The following ELK4 variants were observed in gnomAD, a reference collection of about 807,000 sequenced individuals.
ELK4 encodes the protein ETS domain-containing protein Elk-4.
Under a neutral mutation model 29.6 loss-of-function variants are expected in ELK4, and 16 were observed. The observed-to-expected ratio is 0.54, with a 90% CI of 0.37 to 0.82. ELK4 has a LOEUF of 0.82. Among genes scored for constraint, ELK4 ranks in the 40% least tolerant of loss-of-function variants. The pLI, the probability that ELK4 is intolerant of heterozygous loss-of-function variation, is 0.00. For missense variants in ELK4, 465 were observed against 507.1 expected, an observed-to-expected ratio of 0.92 and a Z score of 0.80; for synonymous variants, 213 against 191.1, an observed-to-expected ratio of 1.11 and a Z score of -0.95.
At chr1:205,616,758 G>T (rs1456260989) in intron 4 of ELK4, 114 bp from the exon 5 acceptor site, 4 of 760,254 alleles carry the variant, frequency 5.3e-6, no homozygotes, top group African/African-American at 5.2e-5. Context: ...TGGCTCACAG[G>T]ACAAAGGCAG....
rs1241853353 is a variant in ELK4 at position 205,610,487 on chromosome 1, A to C, written c.*6059T>G. ...TACAAACTAATAAAGATTTTACACA[A>C]AAGCAAACATAAATGTAGAAATTTT... On this transcript the variant is annotated 3_prime_UTR_variant, in exon 5 of 5. Coordinates refer to ENST00000357992, the MANE Select transcript of ELK4 (RefSeq NM_001973.4). The C allele has an allele frequency of 8.7e-6, 2 of 229,532 alleles. No individual in the cohort carries two copies. Among genetic ancestry groups the C allele is most frequent in the African/African-American group, 4.4e-5 (2 of 45,146 alleles). The allele number at this position is 229,532 out of a possible 1,614,324, so 14.2% of individuals were successfully genotyped here.
At chr1:205,622,754 T>C (rs564632609) in intron 2 of ELK4, among the ~76,000 whole-genome samples, 1 of 152,364 alleles carries the variant, frequency 6.6e-6, no homozygotes, top group East Asian at 1.9e-4. Flanking sequence ...CAAATTGCCT[T>C]TGTCATATTC....
Position 205,615,515 on chromosome 1 carries a change from A to C in ELK4, c.*1031T>G, listed in dbSNP as rs988032162. The C allele has an allele frequency of 2.2e-5, 4 of 185,496 alleles. No individual in the cohort carries two copies. Among genetic ancestry groups the C allele is most frequent in the Admixed American group, 6.2e-5 (1 of 16,086 alleles). The allele number at this position is 185,496 out of a possible 1,614,324, so 11.5% of individuals were successfully genotyped here. A position where few individuals can be genotyped will look rare whatever the true frequency, so the allele number is the denominator to read the frequency against. On this transcript the variant is annotated 3_prime_UTR_variant, in exon 5 of 5. Coordinates refer to ENST00000357992, the MANE Select transcript of ELK4 (RefSeq NM_001973.4). Reference sequence around the variant, plus strand: ...ACTATCATAACCTCTAACAACCTTAAACATAAAGGAAAGGTGATAAATGTA... The same window carrying C: ...ACTATCATAACCTCTAACAACCTTACACATAAAGGAAAGGTGATAAATGTA...
At chr1:205,622,106 C>T (rs1670363679) in intron 2 of ELK4, among the ~76,000 whole-genome samples, 1 of 151,826 alleles carries the variant, frequency 6.6e-6, no homozygotes, top group South Asian at 2.1e-4. Context: ...CCCAGCTACT[C>T]GGGAGGCTGA....
In ELK4 at chr1:205,609,847, G is replaced by C. The variant is rs955367314; in HGVS notation, c.*6699C>G. ...TTATTTTAAAATATCCTAGCCAAAA[G>C]GGCATACCTTACAGAGCCTAGAAGA... On this transcript the variant is annotated 3_prime_UTR_variant, in exon 5 of 5. Coordinates refer to ENST00000357992, the MANE Select transcript of ELK4 (RefSeq NM_001973.4). 1 of 225,444 alleles carries C rather than the reference G, an allele frequency of 4.4e-6. No homozygotes were observed. The highest frequency in any genetic ancestry group is 6.5e-5 in the East Asian group (1 of 15,476). The allele number at this position is 225,444 out of a possible 1,614,324, so 14.0% of individuals were successfully genotyped here.
intron 1 of ELK4, 143 bp from the exon 2 acceptor site, chr1:205,624,034 T>C: frequency 1.3e-6 from 1 of 742,616 alleles, no homozygotes; most frequent in Non-Finnish European, 2.1e-6. Flanking sequence ...CATCCTCATT[T>C]TACGTAAGAA....
chr1:205,631,240 G>A lies in ELK4; in HGVS notation c.-10+392C>T, dbSNP rs529364543. ...GCGGACGGCCGCGTGTGCCCTACAGGAGATCAAAGTCTGGGGGAAGAGGTG... is the reference window on the plus strand; with the variant it reads ...GCGGACGGCCGCGTGTGCCCTACAGAAGATCAAAGTCTGGGGGAAGAGGTG... On this transcript the variant is annotated intron_variant, in intron 1 of 4. Coordinates refer to ENST00000357992, the MANE Select transcript of ELK4 (RefSeq NM_001973.4). Among the ~76,000 whole-genome samples the A allele has an allele frequency of 7.2e-5, 11 of 152,308 alleles. No individual in the cohort carries two copies. The South Asian group carries it at 2.1e-3, about 29-fold the overall frequency.
Position 205,623,775 on chromosome 1 carries a change from C to G in ELK4, c.108G>C (p.Leu36Phe). The change falls in exon 2 of 5, where the codon TTG (leucine) becomes TTC (phenylalanine). Residue 36 changes from leucine to phenylalanine, a missense_variant. By Grantham distance (22) the Leu-to-Phe change is conservative (BLOSUM62 0). Transcript: ENST00000357992. Reference protein sequence around the residue: ...WTSNDGQFKLLQAEEVARLWG... With the variant: ...WTSNDGQFKLFQAEEVARLWG... ...AGAGACGAGCCACCTCTTCTGCCTG[C>G]AAAAGCTTAAACTGCCCATCATTAG... 6.2e-7 allele frequency: 1 copy of G among 1,614,156 alleles called. No individual in the cohort carries two copies. Among genetic ancestry groups the G allele is most frequent in the Non-Finnish European group, 8.5e-7 (1 of 1,180,040 alleles).
intron 4 of ELK4, among the ~76,000 whole-genome samples, chr1:205,618,016 A>AAT (rs57087668): frequency 0.8 from 121,228 of 150,976 alleles, 48,958 homozygotes; most frequent in East Asian, 0.95. Context: ...AGAGAGAGAG[A>AAT]GTGTGTGTGT....
At chr1:205,625,915 G>A (rs1302672061) in intron 1 of ELK4, 5 of 742,768 alleles carry the variant, frequency 6.7e-6, no homozygotes, top group Non-Finnish European at 1.2e-5. Context: ...CTGACCTCAT[G>A]ATCCGCCTGC....
rs1670191327 is a variant in ELK4 at position 205,613,889 on chromosome 1, T to G, written c.*2657A>C. 2 of 217,618 alleles carry G rather than the reference T, an allele frequency of 9.2e-6. No homozygotes were observed. The highest frequency in any genetic ancestry group is 1.8e-5 in the Non-Finnish European group (2 of 108,116). The allele number at this position is 217,618 out of a possible 1,614,324, so 13.5% of individuals were successfully genotyped here. A position where few individuals can be genotyped will look rare whatever the true frequency, so the allele number is the denominator to read the frequency against. On this transcript the variant is annotated 3_prime_UTR_variant, in exon 5 of 5. Transcript: ENST00000357992. ...GCTACAGCTACCAATTACAAGTCTC[T>G]CCAGTGAAAACTGATCTGAAGTGGT...
Position 205,631,738 on chromosome 1 carries a change from G to A in ELK4, c.-116C>T. 6.5e-6 allele frequency: 2 copies of A among 306,360 alleles called. No homozygotes were observed. Among genetic ancestry groups the A allele is most frequent in the Non-Finnish European group, 1.4e-5 (2 of 145,614 alleles). The allele number at this position is 306,360 out of a possible 1,614,324, so 19.0% of individuals were successfully genotyped here. On this transcript the variant is annotated 5_prime_UTR_variant, in exon 1 of 5. Transcript: ENST00000357992. ...GAAACTCGAGGACGGCGCGGCAGCC[G>A]CTGCGACCCCCGCGGCGGAGCCGTA...
Position 205,620,164 on chromosome 1 carries a change from C to A in ELK4, c.882G>T (p.Glu294Asp). The A allele has an allele frequency of 6.2e-7, 1 of 1,614,220 alleles. No homozygotes were observed. Among genetic ancestry groups the A allele is most frequent in the Non-Finnish European group, 8.5e-7 (1 of 1,180,050 alleles). Residue 294 changes from glutamate (E) to aspartate (D), a missense_variant, in exon 3 of 5, where the codon GAG (glutamate) becomes GAT (aspartate). Transcript: ENST00000357992. ...GGTCTTTAGGCTCCAGTGACAAATT[C>A]TCTGGAAGTTCCATTGGCTGAGAAG... ...SVASQPMELP[E>D]NLSLEPKDQD...
intron 2 of ELK4, among the ~76,000 whole-genome samples, chr1:205,622,727 C>T (rs1334931405): frequency 6.6e-6 from 1 of 152,066 alleles, no homozygotes; most frequent in Non-Finnish European, 1.5e-5. Context: ...AGAATATTTA[C>T]TTATCCTCAA....
At chr1:205,617,235 C>A (rs775040222) in intron 4 of ELK4, among the ~76,000 whole-genome samples, 6 of 151,780 alleles carry the variant, frequency 4.0e-5, no homozygotes, top group Non-Finnish European at 7.4e-5. Context: ...TTTTTCTATT[C>A]AATAATTTTA....
At chr1:205,625,701 T>C (rs1397857401) in intron 1 of ELK4, 45 of 758,338 alleles carry the variant, frequency 5.9e-5, no homozygotes, top group Non-Finnish European at 1.0e-4. Flanking sequence ...TTTTGTGAGA[T>C]GGAGTCCCAC....
At chr1:205,619,201 A>G in intron 3 of ELK4, 128 bp from the exon 4 acceptor site, 1 of 1,155,676 alleles carries the variant, frequency 8.7e-7, no homozygotes, top group Non-Finnish European at 1.1e-6. Flanking sequence ...CAAGTCTGAA[A>G]TATTATCATG....
chr1:205,619,203 A>G, intron 3 of ELK4, 130 bp from the exon 4 acceptor site: 4 of 1,151,766 alleles, frequency 3.5e-6, no homozygotes, highest in Non-Finnish European at 4.5e-6. Context: ...AGTCTGAAAT[A>G]TTATCATGAC....
At position 205,615,249 on chromosome 1, in the gene ELK4, G is replaced by C. The variant is rs1670212918; in HGVS notation, c.*1297C>G. The C allele has an allele frequency of 6.1e-6, 1 of 165,230 alleles. No individual in the cohort carries two copies. The highest frequency in any genetic ancestry group is 2.4e-5 in the African/African-American group (1 of 41,810). The allele number at this position is 165,230 out of a possible 1,614,324, so 10.2% of individuals were successfully genotyped here. A position where few individuals can be genotyped will look rare whatever the true frequency, so the allele number is the denominator to read the frequency against. ...CTACTAAAAATACAAAAATTAGCCA[G>C]GCGTAGTGGCGCATGCCTGTAGTCC... On this transcript the variant is annotated 3_prime_UTR_variant, in exon 5 of 5. Coordinates refer to ENST00000357992, the MANE Select transcript of ELK4 (RefSeq NM_001973.4).
Sources: gnomAD v4.1 joint callset for allele counts (sites outside exome capture counted in the v4.1 genomes callset) on GRCh38, gnomAD v4.1.1 for gene constraint, MANE v1.5 for transcripts, NCBI Gene and HGNC (gene_info 2026-07-23, HGNC 2026-07-21) for gene names.